Variants in AGK observed in about 807,000 individuals in gnomAD.
AGK encodes the protein acylglycerol kinase, mitochondrial.
A neutral mutation model predicts 66.4 loss-of-function variants in AGK; 52 were observed. The ratio of observed to expected loss-of-function variants is 0.78; its 90% confidence interval spans 0.63 to 0.99. AGK has a LOEUF of 0.99. Among genes scored for constraint, AGK ranks in the 50% least tolerant of loss-of-function variants. The probability of loss-of-function intolerance (pLI) is 0.00; values close to 1 mark genes in which losing one functional copy is unlikely to be tolerated. For synonymous variants in AGK, 182 were observed against 181.1 expected (o/e 1.00, Z -0.04); for missense variants, 451 against 506.6 (o/e 0.89, Z 1.05).
At chr7:141,630,527 T>C (rs2116991555) in intron 9 of AGK, among the ~76,000 whole-genome samples, 1 of 152,258 alleles carries the variant, frequency 6.6e-6, no homozygotes, top group African/African-American at 2.4e-5. Flanking sequence ...ACAAGTGTGA[T>C]TTATCAATTA....
chr7:141,576,767 T>C (rs1277205462), intron 2 of AGK, among the ~76,000 whole-genome samples: 2 of 151,902 alleles, frequency 1.3e-5, no homozygotes, highest in Non-Finnish European at 2.9e-5. Context: ...AGGCCAGGCG[T>C]GGTGGCTCAT....
intron 8 of AGK, among the ~76,000 whole-genome samples, chr7:141,616,955 C>T (rs1796719381): frequency 6.6e-6 from 1 of 151,938 alleles, no homozygotes; most frequent in Non-Finnish European, 1.5e-5. Flanking sequence ...GATGGGGTTT[C>T]ACTGTGTTAG....
In AGK at chr7:141,634,483, T is replaced by C. The variant is rs754323284; in HGVS notation, c.668+503T>C. On this transcript the variant is annotated intron_variant, in intron 10 of 15. Coordinates refer to ENST00000649286, the MANE Select transcript of AGK (RefSeq NM_018238.4). ...GGCGGCGCCTGGCTGTGCTGTGAGA[T>C]GGGAGAAACAGGCCTATCGAGGAGC... Among the ~76,000 whole-genome samples the C allele has an allele frequency of 1.2e-4, 18 of 152,148 alleles. No individual in the cohort carries two copies. The South Asian group carries it at 1.9e-3, about 16-fold the overall frequency.
intron 2 of AGK, among the ~76,000 whole-genome samples, chr7:141,574,676 TC>T (rs1348987983): frequency 5.3e-5 from 8 of 152,180 alleles, no homozygotes; most frequent in African/African-American, 1.9e-4. Flanking sequence ...TTTCATTAAG[TC>T]ATTTCCCATC....
At chr7:141,615,166 C>T (rs1796678691) in intron 7 of AGK, among the ~76,000 whole-genome samples, 1 of 152,210 alleles carries the variant, frequency 6.6e-6, no homozygotes, top group African/African-American at 2.4e-5. Flanking sequence ...GTCTCTGTTG[C>T]ACTAGTGCAT....
chr7:141,577,039 CAAAAAAATA>C, intron 2 of AGK, among the ~76,000 whole-genome samples: 1 of 151,614 alleles, frequency 6.6e-6, no homozygotes, highest in Non-Finnish European at 1.5e-5. Flanking sequence ...GACTCCGTCT[CAAAAAAATA>C]AAAAAAATAA....
At chr7:141,558,373 C>T (rs1476358051) in intron 2 of AGK, among the ~76,000 whole-genome samples, 1 of 151,510 alleles carries the variant, frequency 6.6e-6, no homozygotes, top group Non-Finnish European at 1.5e-5. Flanking sequence ...ACCATGTTGG[C>T]CCGCTGGTCT....
chr7:141,608,072 T>C (rs1421465105), intron 5 of AGK, among the ~76,000 whole-genome samples: 2 of 152,216 alleles, frequency 1.3e-5, no homozygotes, highest in Non-Finnish European at 2.9e-5. Context: ...GTTCTAGGTA[T>C]TGGGGATATA....
At chr7:141,628,769 G>A (rs1460381643) in intron 9 of AGK, among the ~76,000 whole-genome samples, 2 of 152,244 alleles carry the variant, frequency 1.3e-5, no homozygotes, top group East Asian at 3.9e-4. Context: ...CTTTCTCATA[G>A]TCTGTTGGTT....
Position 141,555,943 on chromosome 7 carries a change from G to A in AGK, c.101+376G>A, listed in dbSNP as rs537220836. ...AGTTTATTTTGCCAAAGTTAAGGAC[G>A]TGCGCCTGCGACACAGCCTCAGGAA... On this transcript the variant is annotated intron_variant, in intron 2 of 15. Transcript: ENST00000649286. The surrounding 1 kb of genome is among the most constrained non-coding windows in gnomAD (Gnocchi z 4.2). Among the ~76,000 whole-genome samples the A allele has an allele frequency of 1.3e-5, 2 of 152,326 alleles. No individual in the cohort carries two copies. The highest frequency in any genetic ancestry group is 2.4e-5 in the African/African-American group (1 of 41,584).
intron 12 of AGK, 140 bp downstream of exon 12, chr7:141,641,538 G>A: frequency 3.0e-6 from 3 of 1,015,472 alleles, no homozygotes; most frequent in Non-Finnish European, 4.3e-6. Context: ...CCTTCTGTGT[G>A]CCACCAGAGC....
chr7:141,651,586 C>T lies in AGK; in HGVS notation c.1108C>T (p.Gln370Ter), dbSNP rs762947314. 3.7e-6 allele frequency: 6 copies of T among 1,614,210 alleles called. No individual in the cohort carries two copies. Among genetic ancestry groups the T allele is most frequent in the South Asian group, 2.2e-5 (2 of 91,088 alleles). Residue 370 changes from glutamine (Q) to a stop codon, truncating the protein, a stop_gained, in exon 15 of 16, where the codon CAG becomes TAG. Coordinates refer to ENST00000649286, the MANE Select transcript of AGK (RefSeq NM_018238.4). LOFTEE classifies it high-confidence loss of function. ...VEGTECLQAS[Q>*]CTLLIPEGAG... The stretch of plus-strand genomic sequence containing the variant: ...GGGCACGGAGTGTCTCCAAGCCAGC[C>T]AGTGCACTTTGCTTATCCCGGAGGT...
At chr7:141,635,422 C>G (rs1224238965) in intron 10 of AGK, among the ~76,000 whole-genome samples, 1 of 152,144 alleles carries the variant, frequency 6.6e-6, no homozygotes, top group Non-Finnish European at 1.5e-5. Flanking sequence ...TGACCTTCTA[C>G]TTGGCTAACT....
At chr7:141,569,011 G>A (rs904509713) in intron 2 of AGK, among the ~76,000 whole-genome samples, 1 of 152,142 alleles carries the variant, frequency 6.6e-6, no homozygotes, top group Non-Finnish European at 1.5e-5. Context: ...CTGTAGCAAT[G>A]GTCCTGGTCC....
intron 5 of AGK, among the ~76,000 whole-genome samples, chr7:141,606,269 A>G (rs1446786708): frequency 6.6e-6 from 1 of 152,168 alleles, no homozygotes; most frequent in African/African-American, 2.4e-5. Flanking sequence ...TGCTCCCTTG[A>G]GCCTTCTGTG....
intron 13 of AGK, among the ~76,000 whole-genome samples, chr7:141,642,833 G>A (rs1797319873): frequency 6.6e-6 from 1 of 152,176 alleles, no homozygotes; most frequent in African/African-American, 2.4e-5. Flanking sequence ...ACAGGGGAGA[G>A]CTGAGTAGTT....
chr7:141,560,448 T>G (rs891057187), intron 2 of AGK, among the ~76,000 whole-genome samples: 2 of 152,170 alleles, frequency 1.3e-5, no homozygotes, highest in South Asian at 4.2e-4. Flanking sequence ...CATTTTATTA[T>G]TATGGTTTTT....
intron 8 of AGK, among the ~76,000 whole-genome samples, chr7:141,621,293 G>A (rs1004781669): frequency 1.3e-5 from 2 of 152,206 alleles, no homozygotes; most frequent in African/African-American, 4.8e-5. Flanking sequence ...CTCAGGTTCT[G>A]GATTATATTT....
chr7:141,640,997 G>A (rs1562983407), intron 11 of AGK, among the ~76,000 whole-genome samples: 1 of 152,162 alleles, frequency 6.6e-6, no homozygotes, highest in East Asian at 1.9e-4. Context: ...GTAAATGGTG[G>A]TGGTTAGCCA....
Sources: allele counts gnomAD v4.1 joint callset (sites outside exome capture counted in the v4.1 genomes callset), GRCh38; gene constraint gnomAD v4.1.1; non-coding constraint Gnocchi (gnomAD v3.1); transcripts MANE v1.5; gene names NCBI Gene and HGNC (gene_info 2026-07-23, HGNC 2026-07-21).